The following DPP6 variants were observed in gnomAD, a reference collection of about 807,000 sequenced individuals.
The protein encoded by DPP6 is dipeptidyl peptidase like 6, also known as A-type potassium channel modulatory protein DPP6.
Under a neutral mutation model 122.6 loss-of-function variants are expected in DPP6, and 69 were observed. That is an observed-to-expected ratio of 0.56 (90% CI 0.46 to 0.69). The LOEUF is 0.69. DPP6 is among the 30% of genes least tolerant of loss of function. DPP6 has a pLI of 0.00. For synonymous variants in DPP6, 418 were observed against 433.1 expected (o/e 0.97, Z 0.43); for missense variants, 928 against 1,116.9 (o/e 0.83, Z 2.41).
In DPP6 at chr7:154,313,729, G is replaced by GCACACACA. The variant is rs200018112; in HGVS notation, c.244-132469_244-132462dup. Among the ~76,000 whole-genome samples the GCACACACA allele has an allele frequency of 3.4e-5, 2 of 59,678 alleles. 1 individual carries two copies. The highest frequency in any genetic ancestry group is 8.5e-4 in the East Asian group (2 of 2,344). The allele number at this position is 59,678 out of a possible 152,430, so 39.2% of individuals were successfully genotyped here. ...TATATATATATACACACACACGCAC[G>GCACACACA]CACACACACACACACACACACACCC... On this transcript the variant is annotated intron_variant, in intron 1 of 25. Coordinates refer to ENST00000377770, the MANE Select transcript of DPP6 (RefSeq NM_130797.4).
At chr7:153,987,129 T>A (rs1022500224) in intron 1 of DPP6, among the ~76,000 whole-genome samples, 10 of 152,366 alleles carry the variant, frequency 6.6e-5, no homozygotes, top group Middle Eastern at 3.4e-3. Flanking sequence ...TGCACCAAGA[T>A]GTAAGATTTT....
At chr7:154,779,586 C>A (rs1160981118) in intron 10 of DPP6, among the ~76,000 whole-genome samples, 1 of 152,232 alleles carries the variant, frequency 6.6e-6, no homozygotes, top group Admixed American at 6.5e-5. Flanking sequence ...TGTTTAAGAG[C>A]TGTCACGCCT....
rs183995900 is a variant in DPP6, at chr7:154,165,800, G to A, written c.243+112737G>A. On this transcript the variant is annotated intron_variant, in intron 1 of 25. Transcript: ENST00000377770. ...TCATGTGATTTTTGGCTGCATAAATGTCTTCTTTTGAGAAGTATCTGTTCA... is the reference window on the plus strand; with the variant it reads ...TCATGTGATTTTTGGCTGCATAAATATCTTCTTTTGAGAAGTATCTGTTCA... Among the ~76,000 whole-genome samples the A allele has an allele frequency of 3.3e-3, 501 of 152,308 alleles. 2 individuals carry two copies. The highest frequency in any genetic ancestry group is 0.014 in the Middle Eastern group (4 of 294).
chr7:154,339,888 C>A (rs1809773548), intron 1 of DPP6, among the ~76,000 whole-genome samples: 1 of 152,070 alleles, frequency 6.6e-6, no homozygotes. Flanking sequence ...GCCTGGCCAA[C>A]ATGGAGAAAC....
At chr7:154,746,465 C>T (rs1290778690) in intron 8 of DPP6, among the ~76,000 whole-genome samples, 2 of 152,106 alleles carry the variant, frequency 1.3e-5, no homozygotes, top group Non-Finnish European at 2.9e-5. Flanking sequence ...CACCCCTCAC[C>T]CCCAGCTTGA....
chr7:154,363,573 G>A (rs928681054), intron 1 of DPP6, among the ~76,000 whole-genome samples: 1 of 152,182 alleles, frequency 6.6e-6, no homozygotes, highest in African/African-American at 2.4e-5. Context: ...CTGTGTCTGT[G>A]GCCCCCATGG....
At chr7:154,023,320 A>ACGCACGCACG (rs372465221) in intron 1 of DPP6, among the ~76,000 whole-genome samples, 1 of 127,766 alleles carries the variant, frequency 7.8e-6, no homozygotes, top group South Asian at 2.5e-4. Flanking sequence ...TCTTGTCTGC[A>ACGCACGCACG]CACACACACA....
chr7:154,145,212 AC>A (rs1320816200), intron 1 of DPP6, among the ~76,000 whole-genome samples: 1 of 152,082 alleles, frequency 6.6e-6, no homozygotes, highest in African/African-American at 2.4e-5. Flanking sequence ...TTTTAGAAAG[AC>A]CCCTACAGCT....
At chr7:153,840,934 C>A in the DPP6 span, among the ~76,000 whole-genome samples, 200 of 152,276 alleles carry the variant, frequency 1.3e-3, 1 homozygote, top group African/African-American at 4.4e-3. Context: ...AAGTGAAAGG[C>A]AAGCCTGAGG....
At chr7:154,278,526 G>GGTCT (rs1212725847) in intron 1 of DPP6, among the ~76,000 whole-genome samples, 1 of 152,138 alleles carries the variant, frequency 6.6e-6, no homozygotes, top group Non-Finnish European at 1.5e-5. Flanking sequence ...TGAGCATGTG[G>GGTCT]GTCTGTTCCC....
intron 1 of DPP6, among the ~76,000 whole-genome samples, chr7:154,012,052 G>A (rs9640198): frequency 0.11 from 16,911 of 152,146 alleles, 1,056 homozygotes; most frequent in East Asian, 0.19. Context: ...AAATGGCAAA[G>A]TAGGTGTTAT....
At chr7:154,258,222 ACT>A (rs1189047855) in intron 1 of DPP6, among the ~76,000 whole-genome samples, 1 of 152,096 alleles carries the variant, frequency 6.6e-6, no homozygotes, top group African/African-American at 2.4e-5. Flanking sequence ...TATCCAAGTG[ACT>A]CTTCCAGATT....
intron 1 of DPP6, among the ~76,000 whole-genome samples, chr7:154,256,008 G>A (rs537685852): frequency 6.6e-6 from 1 of 152,054 alleles, no homozygotes; most frequent in South Asian, 2.1e-4. Context: ...AACACACTAT[G>A]AAAAGCACAA....
the DPP6 span, among the ~76,000 whole-genome samples, chr7:153,763,607 T>A: frequency 1.1e-4 from 17 of 152,172 alleles, no homozygotes; most frequent in African/African-American, 4.1e-4. Flanking sequence ...ATGGAAGTGT[T>A]ACTGTATTGT....
At chr7:154,221,260 C>G (rs1800289672) in intron 1 of DPP6, among the ~76,000 whole-genome samples, 1 of 152,142 alleles carries the variant, frequency 6.6e-6, no homozygotes, top group African/African-American at 2.4e-5. Flanking sequence ...CCTGCCTCAG[C>G]CTCCCAAGTA....
intron 1 of DPP6, among the ~76,000 whole-genome samples, chr7:153,907,016 C>T (rs767707244): frequency 2.6e-5 from 4 of 152,138 alleles, no homozygotes; most frequent in African/African-American, 9.7e-5. Flanking sequence ...TGCATAGATA[C>T]CCAGTAGTGT....
chr7:154,111,620 CGTGTGTGTGTGTGTGTGTGTGT>C (rs71309604), intron 1 of DPP6, among the ~76,000 whole-genome samples: 1 of 134,912 alleles, frequency 7.4e-6, no homozygotes, highest in South Asian at 2.6e-4. Flanking sequence ...GGCAGGGTTT[CGTGTGTGTGTGTGTGTGTGTGT>C]GTGTGTGTGT....
chr7:154,693,236 G>A (rs1315048227), intron 7 of DPP6, among the ~76,000 whole-genome samples: 1 of 152,166 alleles, frequency 6.6e-6, no homozygotes, highest in East Asian at 1.9e-4. Context: ...TTGCAATTGT[G>A]TGCTAGTTTC....
At chr7:154,791,381 C>T (rs1002872723) in intron 10 of DPP6, among the ~76,000 whole-genome samples, 25 of 152,012 alleles carry the variant, frequency 1.6e-4, no homozygotes, top group African/African-American at 1.2e-4. Flanking sequence ...TGGTGGAAGA[C>T]GAAAGAAGGG....
Sources: allele counts gnomAD v4.1 joint callset (sites outside exome capture counted in the v4.1 genomes callset), GRCh38; gene constraint gnomAD v4.1.1; transcripts MANE v1.5; gene names NCBI Gene and HGNC (gene_info 2026-07-23, HGNC 2026-07-21).